ANKS1B: variants seen among roughly 807,000 people sequenced by gnomAD.
The protein encoded by ANKS1B is ankyrin repeat and sterile alpha motif domain containing 1B.
A neutral mutation model predicts 148.3 loss-of-function variants in ANKS1B; 36 were observed. The observed-to-expected ratio is 0.24, with a 90% CI of 0.19 to 0.32. ANKS1B has a LOEUF of 0.32. Ranked by LOEUF, ANKS1B falls within the 10% of genes least tolerant of loss-of-function variation. The probability of loss-of-function intolerance (pLI) is 1.00; values close to 1 mark genes in which losing one functional copy is unlikely to be tolerated. For synonymous variants in ANKS1B, 542 were observed against 560.8 expected (o/e 0.97, Z 0.47); for missense variants, 1,157 against 1,542.6 (o/e 0.75, Z 4.19).
chr12:99,060,653 T>TCTCA (rs371845222), intron 16 of ANKS1B, among the ~76,000 whole-genome samples: 6 of 126,100 alleles, frequency 4.8e-5, no homozygotes, highest in African/African-American at 1.2e-4. Flanking sequence ...TATATACACA[T>TCTCA]CACACACACA....
intron 15 of ANKS1B, among the ~76,000 whole-genome samples, chr12:99,122,037 T>C (rs2063034038): frequency 6.6e-6 from 1 of 152,146 alleles, no homozygotes; most frequent in African/African-American, 2.4e-5. Flanking sequence ...TGTGAAACAG[T>C]GGAAATACAC....
At chr12:98,876,122 A>G (rs926194896) in intron 17 of ANKS1B, among the ~76,000 whole-genome samples, 1 of 152,182 alleles carries the variant, frequency 6.6e-6, no homozygotes, top group African/African-American at 2.4e-5. Flanking sequence ...ACCTCTGCTT[A>G]AAGTCCCTTC....
At chr12:99,489,656 T>G (rs2096537144) in intron 10 of ANKS1B, among the ~76,000 whole-genome samples, 2 of 152,206 alleles carry the variant, frequency 1.3e-5, no homozygotes, top group African/African-American at 4.8e-5. Context: ...TATGCTTCAG[T>G]TGAAATGATA....
At chr12:98,820,359 T>C (rs1259431665) in intron 19 of ANKS1B, among the ~76,000 whole-genome samples, 1 of 152,212 alleles carries the variant, frequency 6.6e-6, no homozygotes. Context: ...CTGACGATGA[T>C]GCCGATGAAT....
At chr12:99,974,560 T>C (rs1446987141) in intron 1 of ANKS1B, among the ~76,000 whole-genome samples, 3 of 152,120 alleles carry the variant, frequency 2.0e-5, no homozygotes, top group Non-Finnish European at 4.4e-5. Flanking sequence ...GTCAAATCCC[T>C]TCCCCTTCAG....
intron 15 of ANKS1B, among the ~76,000 whole-genome samples, chr12:99,088,849 T>TG (rs2052962086): frequency 7.2e-6 from 1 of 138,430 alleles, no homozygotes; most frequent in Non-Finnish European, 1.6e-5. Flanking sequence ...TTTTTTTTTT[T>TG]TTTTTTTTTT....
At chr12:99,791,473 A>T (rs915521025) in intron 4 of ANKS1B, among the ~76,000 whole-genome samples, 1 of 151,994 alleles carries the variant, frequency 6.6e-6, no homozygotes, top group Non-Finnish European at 1.5e-5. Flanking sequence ...TCCTCAGCAC[A>T]TGGATCATTC....
chr12:99,469,417 G>A (rs1032743817), intron 10 of ANKS1B, among the ~76,000 whole-genome samples: 3 of 151,726 alleles, frequency 2.0e-5, no homozygotes, highest in Non-Finnish European at 2.9e-5. Context: ...TTGTGCACAC[G>A]TACCCTAAAA....
chr12:99,339,824 G>A (rs1049928944), intron 12 of ANKS1B, among the ~76,000 whole-genome samples: 8 of 151,758 alleles, frequency 5.3e-5, no homozygotes, highest in South Asian at 2.1e-4. Flanking sequence ...CTCCACTTTC[G>A]CACAAAACTT....
intron 12 of ANKS1B, among the ~76,000 whole-genome samples, chr12:99,328,463 C>T (rs1319759642): frequency 6.6e-6 from 1 of 151,980 alleles, no homozygotes; most frequent in African/African-American, 2.4e-5. Context: ...GGACCAGGAA[C>T]AGTGCTTGCT....
intron 17 of ANKS1B, among the ~76,000 whole-genome samples, chr12:99,044,914 A>C (rs2099961346): frequency 6.6e-6 from 1 of 152,150 alleles, no homozygotes. Flanking sequence ...CAACATACCG[A>C]GGGGCGGATA....
At chr12:99,259,733 T>C (rs1229447229) in intron 12 of ANKS1B, among the ~76,000 whole-genome samples, 1 of 152,202 alleles carries the variant, frequency 6.6e-6, no homozygotes. Context: ...GAAGCTCCTG[T>C]TGCAAGCAAA....
chr12:99,854,870 C>T (rs2088701573), intron 1 of ANKS1B, among the ~76,000 whole-genome samples: 1 of 152,110 alleles, frequency 6.6e-6, no homozygotes, highest in Non-Finnish European at 1.5e-5. Flanking sequence ...CACTACCAAG[C>T]CAGCACTAAA....
At chr12:99,876,643 T>C (rs967295539) in intron 1 of ANKS1B, among the ~76,000 whole-genome samples, 3 of 151,506 alleles carry the variant, frequency 2.0e-5, no homozygotes, top group African/African-American at 7.3e-5. Flanking sequence ...GGCAGGAGAA[T>C]TGCTTGAACC....
intron 9 of ANKS1B, among the ~76,000 whole-genome samples, chr12:99,543,925 G>A (rs2097150125): frequency 1.3e-5 from 2 of 152,100 alleles, no homozygotes; most frequent in Admixed American, 1.3e-4. Context: ...AGGAATGCCT[G>A]TGGCAAAGCA....
chr12:98,907,684 G>A lies in ANKS1B; in HGVS notation c.2779-75548C>T, dbSNP rs1362179388. 2.0e-5 allele frequency among the ~76,000 whole-genome samples: 3 copies of A among 152,128 alleles called. No homozygotes were observed. The East Asian group carries it at 5.8e-4, about 29-fold the overall frequency. ...CATGGCTTGTTTGGTGGGTGATATA[G>A]TTTGGCTATGTCCCCACCCAAATCT... is the stretch of plus-strand genomic sequence containing the variant. On this transcript the variant is annotated intron_variant, in intron 17 of 26. Coordinates refer to ENST00000683438, the MANE Select transcript of ANKS1B (RefSeq NM_001352186.2).
At chr12:99,962,637 A>G (rs2095429157) in intron 1 of ANKS1B, among the ~76,000 whole-genome samples, 1 of 152,180 alleles carries the variant, frequency 6.6e-6, no homozygotes, top group Non-Finnish European at 1.5e-5. Flanking sequence ...TGTCTTCAAC[A>G]ATGATTGAAC....
chr12:99,513,182 T>A (rs982735359), intron 9 of ANKS1B, among the ~76,000 whole-genome samples: 2 of 152,056 alleles, frequency 1.3e-5, no homozygotes, highest in Non-Finnish European at 2.9e-5. Flanking sequence ...AAGGCTCATA[T>A]GATCGTTGGC....
intron 14 of ANKS1B, among the ~76,000 whole-genome samples, chr12:99,213,033 T>C (rs1228188122): frequency 6.6e-6 from 1 of 152,206 alleles, no homozygotes; most frequent in African/African-American, 2.4e-5. Context: ...ATCTAGCTTT[T>C]TTCCTACCAT....
Sources: gnomAD v4.1 joint callset for allele counts (sites outside exome capture counted in the v4.1 genomes callset) on GRCh38, gnomAD v4.1.1 for gene constraint, MANE v1.5 for transcripts, NCBI Gene and HGNC (gene_info 2026-07-23, HGNC 2026-07-21) for gene names.